Variants in MAP2 observed in about 807,000 individuals in gnomAD.
MAP2 encodes the protein microtubule-associated protein 2.
Under a neutral mutation model 137.6 loss-of-function variants are expected in MAP2, and 14 were observed. The observed-to-expected ratio is 0.10, with a 90% confidence interval of 0.07 to 0.16. The LOEUF is 0.16. Ranked by LOEUF, MAP2 falls within the 10% of genes least tolerant of loss-of-function variation. The pLI is 1.00. For missense variants in MAP2, 2,088 were observed against 2,191.5 expected (o/e 0.95, Z 0.94); for synonymous variants, 786 against 782.3 (o/e 1.00, Z -0.08).
In MAP2 at chr2:209,694,648, T is replaced by C. The variant is rs770224441; in HGVS notation, c.2478T>C (p.Ala826=). The C allele has an allele frequency of 6.2e-7, 1 of 1,614,164 alleles. No homozygotes were observed. The highest frequency in any genetic ancestry group is 2.2e-5 in the East Asian group (1 of 44,880). The part of the protein sequence containing the change: ...RSRLASVSAD[A]EVARRKSVPS... ...GATTGGCTTCTGTGAGTGCAGATGC[T>C]GAGGTTGCCAGGAGGAAATCAGTCC... Residue 826 remains alanine, a synonymous_variant, in exon 8 of 16, where the codon GCT becomes GCC. Coordinates refer to ENST00000682079, the MANE Select transcript of MAP2 (RefSeq NM_001375505.1).
intron 14 of MAP2, among the ~76,000 whole-genome samples, chr2:209,728,080 G>A (rs1403578843): frequency 6.6e-6 from 1 of 152,144 alleles, no homozygotes; most frequent in African/African-American, 2.4e-5. Context: ...GTTGCAGTGA[G>A]CTATGATCAT....
intron 4 of MAP2, among the ~76,000 whole-genome samples, chr2:209,639,061 A>G (rs1163220435): frequency 6.6e-6 from 1 of 152,124 alleles, no homozygotes; most frequent in African/African-American, 2.4e-5. Context: ...TACCACCTTT[A>G]TATCAGGCCC....
intron 1 of MAP2, among the ~76,000 whole-genome samples, chr2:209,425,895 A>G (rs865922910): frequency 5.3e-5 from 8 of 152,350 alleles, no homozygotes; most frequent in Middle Eastern, 3.4e-3. Context: ...CAGCCCTTTA[A>G]CCGGGCAATA....
intron 1 of MAP2, among the ~76,000 whole-genome samples, chr2:209,480,599 G>A (rs80083874): frequency 0.023 from 3,451 of 152,080 alleles, 139 homozygotes; most frequent in African/African-American, 0.078. Context: ...TAGTCCATGA[G>A]CAGGATTTGC....
intron 5 of MAP2, among the ~76,000 whole-genome samples, chr2:209,674,104 T>C (rs72999560): frequency 0.012 from 1,806 of 151,634 alleles, 15 homozygotes; most frequent in Middle Eastern, 0.048. Flanking sequence ...TATCTTTGCC[T>C]TGGAAAAAAA....
intron 1 of MAP2, among the ~76,000 whole-genome samples, chr2:209,436,571 A>G (rs1696353213): frequency 6.6e-6 from 1 of 151,804 alleles, no homozygotes; most frequent in Non-Finnish European, 1.5e-5. Context: ...TGAAATTATA[A>G]AAACCATACT....
chr2:209,688,260 C>A (rs1329256227), intron 7 of MAP2, among the ~76,000 whole-genome samples: 1 of 152,140 alleles, frequency 6.6e-6, no homozygotes, highest in African/African-American at 2.4e-5. Context: ...AGTATGGCTT[C>A]TTTCTGCTCC....
intron 5 of MAP2, among the ~76,000 whole-genome samples, chr2:209,662,076 T>C (rs535004265): frequency 4.7e-4 from 72 of 152,350 alleles, no homozygotes; most frequent in African/African-American, 1.6e-3. Context: ...AAAACTTGGT[T>C]TCTCAAGACT....
In MAP2 at chr2:209,693,059, G is replaced by A. The variant is rs1217490742; in HGVS notation, c.889G>A (p.Val297Ile). 1 of 1,613,006 alleles carries A rather than the reference G, an allele frequency of 6.2e-7. No individual in the cohort carries two copies. The highest frequency in any genetic ancestry group is 1.3e-5 in the African/African-American group (1 of 74,850). ...GPLTPMREKD[V>I]FDDIPKWEGK... The stretch of plus-strand genomic sequence containing the variant: ...TCTGACTCCCATGAGGGAAAAAGAT[G>A]TATTTGATGATATCCCAAAATGGGA... Residue 297 changes from valine (V) to isoleucine (I), a missense_variant, in exon 8 of 16, where the codon GTA (valine) becomes ATA (isoleucine). Transcript: ENST00000682079.
chr2:209,693,508 A>G lies in MAP2; in HGVS notation c.1338A>G (p.Glu446=), dbSNP rs371770931. 34 of 1,610,966 alleles carry G rather than the reference A, an allele frequency of 2.1e-5. No individual in the cohort carries two copies. In the African/African-American group the frequency reaches 3.9e-4, roughly 18 times the overall value. The change falls in exon 8 of 16, where the codon GAA becomes GAG. Residue 446 remains glutamate (E), a synonymous_variant. Coordinates refer to ENST00000682079, the MANE Select transcript of MAP2 (RefSeq NM_001375505.1). The part of the protein sequence containing the change: ...TEKETELKLE[E]KTTISDKEAV... ...AGGAAACTGAGCTGAAGCTTGAAGA[A>G]AAAACCACCATTTCTGACAAAGAAG...
chr2:209,548,468 T>A (rs1407550208), intron 2 of MAP2, among the ~76,000 whole-genome samples: 1 of 152,150 alleles, frequency 6.6e-6, no homozygotes, highest in Non-Finnish European at 1.5e-5. Context: ...CTTATGCTCT[T>A]AGCTGGATCC....
intron 1 of MAP2, among the ~76,000 whole-genome samples, chr2:209,500,040 T>C (rs1378735755): frequency 6.6e-6 from 1 of 152,174 alleles, no homozygotes; most frequent in East Asian, 1.9e-4. Context: ...CACTCTCCTT[T>C]ATATGGACAC....
At chr2:209,598,024 G>A (rs1418204230) in intron 3 of MAP2, among the ~76,000 whole-genome samples, 1 of 151,072 alleles carries the variant, frequency 6.6e-6, no homozygotes, top group Non-Finnish European at 1.5e-5. Context: ...TATTTTTTTT[G>A]AGACTGAGTC....
At chr2:209,627,169 TA>T (rs1289322467) in intron 4 of MAP2, among the ~76,000 whole-genome samples, 3 of 152,168 alleles carry the variant, frequency 2.0e-5, no homozygotes, top group Non-Finnish European at 4.4e-5. Context: ...TTAAGATACT[TA>T]AAAGTGAAAT....
At chr2:209,463,089 G>A (rs930626056) in intron 1 of MAP2, among the ~76,000 whole-genome samples, 1 of 152,004 alleles carries the variant, frequency 6.6e-6, no homozygotes, top group Admixed American at 6.6e-5. Flanking sequence ...TTTATTTATG[G>A]ATCCTCAGAA....
At chr2:209,668,993 C>T (rs2047563235) in intron 5 of MAP2, among the ~76,000 whole-genome samples, 1 of 151,894 alleles carries the variant, frequency 6.6e-6, no homozygotes, top group Non-Finnish European at 1.5e-5. Context: ...AAAGAACTAC[C>T]ATGTCTATTT....
At chr2:209,477,063 C>G (rs780952003) in intron 1 of MAP2, among the ~76,000 whole-genome samples, 4 of 152,138 alleles carry the variant, frequency 2.6e-5, no homozygotes, top group Non-Finnish European at 4.4e-5. Context: ...GTTTAACATT[C>G]AAGTCCAGAG....
At chr2:209,451,552 T>C (rs1214989963) in intron 1 of MAP2, among the ~76,000 whole-genome samples, 1 of 152,204 alleles carries the variant, frequency 6.6e-6, no homozygotes, top group Non-Finnish European at 1.5e-5. Context: ...AACAGTTTTC[T>C]ACTTTTCTAG....
intron 1 of MAP2, among the ~76,000 whole-genome samples, chr2:209,451,092 C>T (rs1366333250): frequency 1.3e-5 from 2 of 152,064 alleles, no homozygotes; most frequent in African/African-American, 4.8e-5. Context: ...AATCCACATA[C>T]ATTGAATCTG....
Sources: gnomAD v4.1 joint callset for allele counts (sites outside exome capture counted in the v4.1 genomes callset) on GRCh38, gnomAD v4.1.1 for gene constraint, MANE v1.5 for transcripts, NCBI Gene and HGNC (gene_info 2026-07-23, HGNC 2026-07-21) for gene names.